The following BTBD16 variants were observed in gnomAD, a reference collection of about 807,000 sequenced individuals.
The protein encoded by BTBD16 is BTB domain containing 16.
BTBD16 carries 66 observed loss-of-function variants against 67.4 expected under a neutral mutation model. That is an observed-to-expected ratio of 0.98 (90% CI 0.80 to 1.20). The LOEUF (loss-of-function observed/expected upper bound fraction) is 1.20. Ranked by LOEUF, BTBD16 falls within the 50% of genes most tolerant of loss-of-function variation. The pLI, the probability that BTBD16 is intolerant of heterozygous loss-of-function variation, is 0.00. For synonymous variants in BTBD16, 242 were observed against 236.4 expected (o/e 1.02, Z -0.22); for missense variants, 634 against 616.0 (o/e 1.03, Z -0.31).
chr10:122,308,282 A>G (rs1425453239), intron 10 of BTBD16, among the ~76,000 whole-genome samples: 1 of 152,212 alleles, frequency 6.6e-6, no homozygotes, highest in Non-Finnish European at 1.5e-5. Flanking sequence ...TGCTGTTTCC[A>G]AGGCCTTTGC....
At chr10:122,276,351 T>C (rs1459502856) in intron 2 of BTBD16, among the ~76,000 whole-genome samples, 10 of 152,194 alleles carry the variant, frequency 6.6e-5, no homozygotes, top group Admixed American at 6.5e-4. Context: ...CACTGTAAAA[T>C]AGATACAATT....
intron 5 of BTBD16, among the ~76,000 whole-genome samples, chr10:122,289,110 A>T (rs954109377): frequency 1.3e-4 from 20 of 152,108 alleles, no homozygotes; most frequent in African/African-American, 4.8e-4. Flanking sequence ...TCTGGGGCAG[A>T]GTGACAATAG....
rs71715395 is a variant in BTBD16, at chr10:122,273,221, GATATATAT to G, written c.-43+1725_-43+1732del. Among the ~76,000 whole-genome samples the G allele has an allele frequency of 1.7e-3, 225 of 129,474 alleles. 2 individuals carry two copies. Among genetic ancestry groups the G allele is most frequent in the Non-Finnish European group, 2.8e-3 (172 of 61,332 alleles). 84.9% of individuals were successfully genotyped at this position (129,474 alleles called of 152,430 possible). A position where few individuals can be genotyped will look rare whatever the true frequency, so the allele number is the denominator to read the frequency against. ...ATAGAAATAAAAACAGCAACACAAA[GATATATAT>G]ATATATATATATATATACACACATA... On this transcript the variant is annotated intron_variant, in intron 1 of 15. Transcript: ENST00000260723.
chr10:122,294,912 T>C (rs2096380348), intron 7 of BTBD16, among the ~76,000 whole-genome samples: 1 of 152,240 alleles, frequency 6.6e-6, no homozygotes, highest in South Asian at 2.1e-4. Context: ...CCTGTAGGTT[T>C]CGACAGACAA....
intron 10 of BTBD16, among the ~76,000 whole-genome samples, chr10:122,326,401 C>T (rs1336836064): frequency 6.6e-6 from 1 of 152,182 alleles, no homozygotes; most frequent in Non-Finnish European, 1.5e-5. Flanking sequence ...AATTTGATGA[C>T]TCTAGGTACC....
chr10:122,294,966 C>G (rs957626793), intron 7 of BTBD16, among the ~76,000 whole-genome samples: 3 of 152,354 alleles, frequency 2.0e-5, no homozygotes, highest in East Asian at 1.9e-4. Flanking sequence ...GGGTGGGGCC[C>G]GAGCCTCCTG....
In BTBD16 at chr10:122,303,104, C is replaced by T. The variant is rs371451040; in HGVS notation, c.791+3970C>T. Among the ~76,000 whole-genome samples the T allele has an allele frequency of 1.3e-4, 20 of 152,214 alleles. 1 individual carries two copies. In the South Asian group the frequency reaches 3.9e-3, roughly 30 times the overall value. ...AATTATAATACAAAACACAATTGTA[C>T]TCATCTCCCCAAATGAACGAATATT... On this transcript the variant is annotated intron_variant, in intron 9 of 15. Transcript: ENST00000260723.
chr10:122,297,035 CTT>C (rs2096384622), intron 7 of BTBD16, among the ~76,000 whole-genome samples: 1 of 152,234 alleles, frequency 6.6e-6, no homozygotes, highest in Admixed American at 6.5e-5. Context: ...AAGTGCCTCT[CTT>C]CTGACTTCTG....
intron 10 of BTBD16, among the ~76,000 whole-genome samples, chr10:122,317,603 C>G (rs1431900180): frequency 6.6e-6 from 1 of 151,934 alleles, no homozygotes; most frequent in African/African-American, 2.4e-5. Context: ...GCCGAGATCG[C>G]ACCACTGAAC....
At chr10:122,325,754 C>T (rs1431684941) in intron 10 of BTBD16, among the ~76,000 whole-genome samples, 1 of 151,858 alleles carries the variant, frequency 6.6e-6, no homozygotes, top group Non-Finnish European at 1.5e-5. Context: ...TGGCTCACTG[C>T]AACTGCTGCC....
At chr10:122,309,774 A>ATTT (rs5788543) in intron 10 of BTBD16, among the ~76,000 whole-genome samples, 3 of 136,704 alleles carry the variant, frequency 2.2e-5, no homozygotes, top group African/African-American at 8.2e-5. Context: ...TGCTGAGTAC[A>ATTT]TTTTTTTTTT....
chr10:122,322,177 G>A (rs796446408), intron 10 of BTBD16, among the ~76,000 whole-genome samples: 46 of 152,104 alleles, frequency 3.0e-4, no homozygotes, highest in African/African-American at 1.1e-3. Context: ...TCAATTGTAT[G>A]TTTTCTATTT....
chr10:122,299,975 C>G (rs1011885053), intron 9 of BTBD16, among the ~76,000 whole-genome samples: 13 of 152,218 alleles, frequency 8.5e-5, no homozygotes, highest in African/African-American at 3.1e-4. Flanking sequence ...CTCCCCATAC[C>G]GGGCCTTGGT....
chr10:122,304,550 CTTTTTTTTT>C (rs3037891), intron 9 of BTBD16, among the ~76,000 whole-genome samples: 1 of 95,468 alleles, frequency 1.0e-5, no homozygotes, highest in Non-Finnish European at 2.0e-5. Flanking sequence ...AGCAGGTATT[CTTTTTTTTT>C]TTTTTTTTTT....
At chr10:122,303,687 A>C in intron 9 of BTBD16, 1 of 891,768 alleles carries the variant, frequency 1.1e-6, no homozygotes, top group Non-Finnish European at 1.3e-6. Flanking sequence ...TATGAAAAGC[A>C]TTTTTTTCCC....
chr10:122,276,661 G>T (rs1564948549), intron 2 of BTBD16, 130 bp from the exon 3 acceptor site: 3 of 1,189,230 alleles, frequency 2.5e-6, no homozygotes, highest in Non-Finnish European at 3.5e-6. Flanking sequence ...AGAAATATTA[G>T]CCATGTTCAA....
chr10:122,325,178 G>A (rs1238190045), intron 10 of BTBD16, among the ~76,000 whole-genome samples: 1 of 152,226 alleles, frequency 6.6e-6, no homozygotes, highest in Admixed American at 6.5e-5. Context: ...GGTGAATGGA[G>A]GGATGGGATG....
chr10:122,331,212 T>C lies in BTBD16; in HGVS notation c.1040T>C (p.Phe347Ser). ...DLEVLRHLNF[F>S]PESWLDQVTV... ...GAGGTGCTGCGGCACCTTAACTTCT[T>C]CCCAGAGTCATGGCTCGACCAGGTT... The change falls in exon 12 of 16, where the codon TTC becomes TCC. Residue 347 changes from phenylalanine (F) to serine (S), a missense_variant. Phe to Ser is a radical substitution (Grantham distance 155). Transcript: ENST00000260723. The C allele has an allele frequency of 6.2e-7, 1 of 1,613,584 alleles. No homozygotes were observed. The highest frequency in any genetic ancestry group is 8.5e-7 in the Non-Finnish European group (1 of 1,179,824).
intron 9 of BTBD16, 87 bp from the exon 10 acceptor site, chr10:122,307,102 C>T: frequency 6.8e-7 from 1 of 1,475,508 alleles, no homozygotes; most frequent in Non-Finnish European, 9.1e-7. Flanking sequence ...TCACCTCATT[C>T]CCAAACTCAT....
Sources: gnomAD v4.1 joint callset for allele counts (sites outside exome capture counted in the v4.1 genomes callset) on GRCh38, gnomAD v4.1.1 for gene constraint, MANE v1.5 for transcripts, NCBI Gene and HGNC (gene_info 2026-07-23, HGNC 2026-07-21) for gene names.